DNAL1: variants seen among roughly 807,000 people sequenced by gnomAD.
DNAL1 encodes the protein dynein axonemal light chain 1.
In DNAL1, 17 loss-of-function variants were observed where a neutral mutation model predicts 29.4. That is an observed-to-expected ratio of 0.58 (90% CI 0.40 to 0.87). The LOEUF is 0.87. Among genes scored for constraint, DNAL1 ranks in the 40% least tolerant of loss-of-function variants. DNAL1 has a pLI of 0.00. For missense variants in DNAL1, 188 were observed against 214.1 expected (o/e 0.88, Z 0.76); for synonymous variants, 78 against 76.3 (o/e 1.02, Z -0.12).
At chr14:73,646,804 A>G (rs546269103) in intron 1 of DNAL1, among the ~76,000 whole-genome samples, 2 of 152,234 alleles carry the variant, frequency 1.3e-5, no homozygotes, top group South Asian at 4.1e-4. Flanking sequence ...CAGTATTACA[A>G]TCTTATGTAA....
rs1220095767 is a variant in DNAL1 at position 73,703,582 on chromosome 14, A to G, written c.*7640A>G. 2.0e-5 allele frequency: 3 copies of G among 152,202 alleles called. No homozygotes were observed. The highest frequency in any genetic ancestry group is 7.2e-5 in the African/African-American group (3 of 41,424). 9.4% of individuals were successfully genotyped at this position (152,202 alleles called of 1,614,324 possible). On this transcript the variant is annotated 3_prime_UTR_variant, in exon 8 of 8. Transcript: ENST00000553645. ...CTTGAGAATGTACTTTGTGAGCTCC[A>G]CCCACTGTCTGCAAAACATTGCTCT...
At chr14:73,676,038 A>G (rs192995425) in intron 5 of DNAL1, among the ~76,000 whole-genome samples, 1 of 151,932 alleles carries the variant, frequency 6.6e-6, no homozygotes, top group East Asian at 1.9e-4. Context: ...TAAGTAAATA[A>G]TAAAATAAAA....
At position 73,689,819 on chromosome 14, in the gene DNAL1, G is replaced by A. The variant is rs186207256; in HGVS notation, c.532+304G>A. ...GGGAGGCTGAGGCGGGTGGATCACC[G>A]AAGGTCAGGAGTCTGAGACCAGCCT... On this transcript the variant is annotated intron_variant, in intron 7 of 7. Coordinates refer to ENST00000553645, the MANE Select transcript of DNAL1 (RefSeq NM_031427.4). 8.0e-3 allele frequency among the ~76,000 whole-genome samples: 1,217 copies of A among 151,666 alleles called. 23 individuals are homozygous for A. The highest frequency in any genetic ancestry group is 0.028 in the African/African-American group (1,153 of 41,342).
chr14:73,661,467 A>T (rs186864528), intron 3 of DNAL1, among the ~76,000 whole-genome samples: 4 of 152,092 alleles, frequency 2.6e-5, no homozygotes, highest in Non-Finnish European at 5.9e-5. Context: ...TACCAGGGCC[A>T]GGTGTGGTGG....
At chr14:73,693,260 T>G (rs947292025) in intron 7 of DNAL1, among the ~76,000 whole-genome samples, 2 of 142,058 alleles carry the variant, frequency 1.4e-5, no homozygotes, top group African/African-American at 5.1e-5. Flanking sequence ...CTTTGGGAAA[T>G]TGGCGTTATC....
chr14:73,658,929 C>A lies in DNAL1; in HGVS notation c.125C>A (p.Ala42Glu). The part of the protein sequence containing the change: ...AQIPPIEKMD[A>E]SLSMLANCEK... Reference sequence around the variant, plus strand: ...ATTCCCCCTATAGAGAAGATGGATGCATCCTTGTCCATGCTTGCTAATTGC... The same window carrying A: ...ATTCCCCCTATAGAGAAGATGGATGAATCCTTGTCCATGCTTGCTAATTGC... Residue 42 changes from alanine to glutamate, a missense_variant, in exon 3 of 8, where the codon GCA becomes GAA. Coordinates refer to ENST00000553645, the MANE Select transcript of DNAL1 (RefSeq NM_031427.4). The A allele has an allele frequency of 6.5e-7, 1 of 1,537,650 alleles. No homozygotes were observed. Among genetic ancestry groups the A allele is most frequent in the Non-Finnish European group, 8.8e-7 (1 of 1,141,486 alleles).
chr14:73,672,627 GAAAT>G (rs1891642725), intron 5 of DNAL1, among the ~76,000 whole-genome samples: 1 of 122,582 alleles, frequency 8.2e-6, no homozygotes, highest in Non-Finnish European at 1.7e-5. Context: ...AAAAAAAAAA[GAAAT>G]TCTTAAGGGT....
At chr14:73,650,879 C>T (rs1384554084) in intron 1 of DNAL1, among the ~76,000 whole-genome samples, 1 of 152,106 alleles carries the variant, frequency 6.6e-6, no homozygotes. Context: ...TGGGCTCCAG[C>T]AGTCCTTCTG....
chr14:73,689,032 T>G (rs1352455145), intron 6 of DNAL1, among the ~76,000 whole-genome samples: 12 of 138,174 alleles, frequency 8.7e-5, no homozygotes, highest in South Asian at 5.0e-4. Flanking sequence ...TGCTGTTTTT[T>G]TTTTTTTTTT....
intron 2 of DNAL1, among the ~76,000 whole-genome samples, chr14:73,658,500 C>G (rs981369141): frequency 6.6e-6 from 1 of 152,030 alleles, no homozygotes. Flanking sequence ...GAAGTATGGT[C>G]ATTTTAATTA....
At chr14:73,682,424 A>T (rs1309380907) in intron 5 of DNAL1, among the ~76,000 whole-genome samples, 1 of 149,470 alleles carries the variant, frequency 6.7e-6, no homozygotes, top group Non-Finnish European at 1.5e-5. Context: ...CCTGGCCTCA[A>T]GTGATCTGCC....
At chr14:73,681,479 A>G (rs1489994123) in intron 5 of DNAL1, among the ~76,000 whole-genome samples, 2 of 150,904 alleles carry the variant, frequency 1.3e-5, no homozygotes, top group African/African-American at 2.4e-5. Context: ...TTTATAAACA[A>G]TGTTTTAGCT....
intron 5 of DNAL1, among the ~76,000 whole-genome samples, chr14:73,677,884 T>TTTG (rs1555402398): frequency 0.014 from 1,354 of 96,090 alleles, 15 homozygotes; most frequent in South Asian, 0.07. Context: ...ATATATATAT[T>TTTG]TGTGTGTGTG....
At chr14:73,683,590 A>G (rs919440038) in intron 5 of DNAL1, among the ~76,000 whole-genome samples, 4 of 152,064 alleles carry the variant, frequency 2.6e-5, no homozygotes, top group Non-Finnish European at 5.9e-5. Flanking sequence ...GTACTCATTT[A>G]CCAACTTATT....
Position 73,696,031 on chromosome 14 carries a change from T to C in DNAL1, c.*89T>C. 1.6e-6 allele frequency: 2 copies of C among 1,249,430 alleles called. No homozygotes were observed. The highest frequency in any genetic ancestry group is 2.2e-6 in the Non-Finnish European group (2 of 897,844). 77.4% of individuals were successfully genotyped at this position (1,249,430 alleles called of 1,614,324 possible). On this transcript the variant is annotated 3_prime_UTR_variant, in exon 8 of 8. Coordinates refer to ENST00000553645, the MANE Select transcript of DNAL1 (RefSeq NM_031427.4). ...ATAATTGTCTATTTTAAAGATTCTG[T>C]ATGGGACAAAAGTTTCTTAAGATAA...
chr14:73,682,886 T>A (rs1240866162), intron 5 of DNAL1, among the ~76,000 whole-genome samples: 1 of 149,658 alleles, frequency 6.7e-6, no homozygotes, highest in African/African-American at 2.5e-5. Flanking sequence ...TTTTTTTTTT[T>A]TTTTTTTTAG....
chr14:73,675,466 AT>A (rs1055401473), intron 5 of DNAL1, among the ~76,000 whole-genome samples: 3 of 151,752 alleles, frequency 2.0e-5, no homozygotes, highest in Admixed American at 6.6e-5. Context: ...TGCCCAGCTA[AT>A]TAAAAAAAAA....
chr14:73,675,003 T>C (rs1344937298), intron 5 of DNAL1, among the ~76,000 whole-genome samples: 5 of 150,494 alleles, frequency 3.3e-5, no homozygotes, highest in Middle Eastern at 3.5e-3. Context: ...GTATTTTTAG[T>C]AGGGGTCTCG....
At position 73,693,472 on chromosome 14, in the gene DNAL1, A is replaced by G. The variant is rs1237435359; in HGVS notation, c.533-2430A>G. On this transcript the variant is annotated intron_variant, in intron 7 of 7. Transcript: ENST00000553645. ...AGATAAAATATGGCATAGTCATACA[A>G]TGGAATATTAAACAGCAGTAAAAAT... 2.0e-5 allele frequency among the ~76,000 whole-genome samples: 3 copies of G among 152,258 alleles called. 1 individual carries two copies. Among genetic ancestry groups the G allele is most frequent in the African/African-American group, 7.2e-5 (3 of 41,478 alleles).
Sources: gnomAD v4.1 joint callset for allele counts (sites outside exome capture counted in the v4.1 genomes callset) on GRCh38, gnomAD v4.1.1 for gene constraint, MANE v1.5 for transcripts, NCBI Gene and HGNC (gene_info 2026-07-23, HGNC 2026-07-21) for gene names.